Variants in RIT2 observed in about 807,000 individuals in gnomAD.
RIT2 encodes GTP-binding protein Rit2.
Under a neutral mutation model 23.7 loss-of-function variants are expected in RIT2, and 24 were observed. That is an observed-to-expected ratio of 1.01 (90% confidence interval 0.73 to 1.43). RIT2 has a LOEUF of 1.43. Ranked by LOEUF, RIT2 falls within the 40% of genes most tolerant of loss-of-function variation. The pLI, the probability that RIT2 is intolerant of heterozygous loss-of-function variation, is 0.00. For missense variants in RIT2, 236 were observed against 266.9 expected (o/e 0.88, Z 0.81); for synonymous variants, 107 against 91.1 (o/e 1.17, Z -0.99).
chr18:42,880,522 T>G (rs1907860382), intron 4 of RIT2, among the ~76,000 whole-genome samples: 1 of 152,192 alleles, frequency 6.6e-6, no homozygotes, highest in Admixed American at 6.5e-5. Flanking sequence ...GCATCCGCAT[T>G]ATTGATCTTG....
intron 1 of RIT2, among the ~76,000 whole-genome samples, chr18:43,096,178 A>G (rs1410797503): frequency 6.6e-6 from 1 of 151,962 alleles, no homozygotes; most frequent in African/African-American, 2.4e-5. Flanking sequence ...TCTGTTAAGA[A>G]ATCCACGAAA....
intron 2 of RIT2, among the ~76,000 whole-genome samples, chr18:43,002,184 T>C (rs1911122879): frequency 1.3e-5 from 2 of 151,860 alleles, no homozygotes; most frequent in African/African-American, 4.8e-5. Flanking sequence ...AGTTTAAAAG[T>C]TGAAGAAGTT....
intron 4 of RIT2, among the ~76,000 whole-genome samples, chr18:42,861,299 A>G (rs1907320995): frequency 6.6e-6 from 1 of 152,128 alleles, no homozygotes; most frequent in South Asian, 2.1e-4. Flanking sequence ...GGGAAAGGAC[A>G]TTTTTCATCC....
chr18:42,764,928 G>C (rs1463586057), intron 4 of RIT2, among the ~76,000 whole-genome samples: 3 of 152,198 alleles, frequency 2.0e-5, no homozygotes, highest in Non-Finnish European at 4.4e-5. Flanking sequence ...TGACACATTT[G>C]AGAGTCCATT....
At chr18:42,859,775 A>ATT (rs368488258) in intron 4 of RIT2, among the ~76,000 whole-genome samples, 1 of 147,372 alleles carries the variant, frequency 6.8e-6, no homozygotes, top group Non-Finnish European at 1.5e-5. Context: ...GTTCAAGTTA[A>ATT]TTTTTTTTTT....
At chr18:42,785,882 C>A (rs1193146592) in intron 4 of RIT2, among the ~76,000 whole-genome samples, 1 of 152,084 alleles carries the variant, frequency 6.6e-6, no homozygotes, top group Non-Finnish European at 1.5e-5. Context: ...CAAAGCAATG[C>A]AGCTAACATG....
chr18:42,950,237 C>T (rs759778294), intron 3 of RIT2, among the ~76,000 whole-genome samples: 7 of 151,806 alleles, frequency 4.6e-5, no homozygotes, highest in Non-Finnish European at 8.8e-5. Flanking sequence ...ATAGAGAGCC[C>T]GGAAATAAAG....
intron 3 of RIT2, among the ~76,000 whole-genome samples, chr18:42,934,845 TCA>T (rs1418941168): frequency 6.6e-6 from 1 of 152,204 alleles, no homozygotes; most frequent in African/African-American, 2.4e-5. Flanking sequence ...GAGCAATTTC[TCA>T]GTCTCTTGCC....
At chr18:42,790,963 T>C (rs1213009020) in intron 4 of RIT2, among the ~76,000 whole-genome samples, 1 of 152,110 alleles carries the variant, frequency 6.6e-6, no homozygotes. Context: ...GTGATTCCAT[T>C]CTTGGCTGCC....
intron 3 of RIT2, among the ~76,000 whole-genome samples, chr18:42,952,802 G>C (rs1232316506): frequency 1.3e-5 from 2 of 151,976 alleles, no homozygotes; most frequent in Non-Finnish European, 2.9e-5. Context: ...GCCACCACCA[G>C]CTTTAGAAAT....
chr18:42,758,723 C>G (rs1913227254), intron 4 of RIT2, among the ~76,000 whole-genome samples: 1 of 149,772 alleles, frequency 6.7e-6, no homozygotes, highest in Non-Finnish European at 1.5e-5. Flanking sequence ...CAGGGTTTCA[C>G]CATGTTGGCT....
At chr18:43,105,602 C>A (rs1420791640) in intron 1 of RIT2, among the ~76,000 whole-genome samples, 1 of 150,746 alleles carries the variant, frequency 6.6e-6, no homozygotes, top group East Asian at 2.0e-4. Context: ...ATCTACCCAG[C>A]AATTCTCTGA....
intron 1 of RIT2, among the ~76,000 whole-genome samples, chr18:43,084,393 C>G (rs1426178738): frequency 6.6e-6 from 1 of 152,128 alleles, no homozygotes; most frequent in Non-Finnish European, 1.5e-5. Context: ...GAGTACATAT[C>G]CAAAGGATTG....
intron 1 of RIT2, among the ~76,000 whole-genome samples, chr18:43,071,179 G>A (rs147777377): frequency 7.8e-4 from 119 of 152,290 alleles, no homozygotes; most frequent in African/African-American, 2.8e-3. Context: ...TAGTGGTTCA[G>A]TTTCTCTGAA....
intron 1 of RIT2, among the ~76,000 whole-genome samples, chr18:43,115,123 T>C (rs1914038165): frequency 6.6e-6 from 1 of 152,178 alleles, no homozygotes; most frequent in South Asian, 2.1e-4. Context: ...TCATACTTAT[T>C]TTTATTATTA....
intron 2 of RIT2, among the ~76,000 whole-genome samples, chr18:42,994,189 G>T (rs1198913477): frequency 6.6e-6 from 1 of 151,966 alleles, no homozygotes; most frequent in Admixed American, 6.6e-5. Flanking sequence ...CTTTCACTTG[G>T]ACTGACCTTG....
At chr18:42,834,579 A>C (rs2144014437) in intron 4 of RIT2, among the ~76,000 whole-genome samples, 1 of 152,160 alleles carries the variant, frequency 6.6e-6, no homozygotes, top group Non-Finnish European at 1.5e-5. Flanking sequence ...ATACACACAT[A>C]CTTCTATGAT....
intron 2 of RIT2, among the ~76,000 whole-genome samples, chr18:42,983,915 C>G (rs1268591214): frequency 1.3e-5 from 2 of 151,982 alleles, no homozygotes; most frequent in Non-Finnish European, 2.9e-5. Context: ...CTGATGGATA[C>G]ACAGAATGTT....
At chr18:43,019,715 G>T (rs2144264255) in intron 2 of RIT2, among the ~76,000 whole-genome samples, 1 of 152,092 alleles carries the variant, frequency 6.6e-6, no homozygotes, top group South Asian at 2.1e-4. Flanking sequence ...CAATATGAAA[G>T]ACAACAAATT....
Sources: allele counts gnomAD v4.1 joint callset (sites outside exome capture counted in the v4.1 genomes callset), GRCh38; gene constraint gnomAD v4.1.1; transcripts MANE v1.5; gene names NCBI Gene and HGNC (gene_info 2026-07-23, HGNC 2026-07-21).